SLC13A1: variants seen among roughly 807,000 people sequenced by gnomAD.
SLC13A1 encodes the protein Na(+)/sulfate cotransporter.
In SLC13A1, 65 loss-of-function variants were observed where a neutral mutation model predicts 70.0. The observed-to-expected ratio is 0.93, with a 90% CI of 0.76 to 1.14. SLC13A1 has a LOEUF of 1.14. Among genes scored for constraint, SLC13A1 ranks in the 50% most tolerant of loss-of-function variants. The pLI is 0.00. For synonymous variants in SLC13A1, 275 were observed against 250.5 expected, an observed-to-expected ratio of 1.10 and a Z score of -0.92; for missense variants, 726 against 717.8, an observed-to-expected ratio of 1.01 and a Z score of -0.13.
At chr7:123,155,052 T>C (rs1352292242) in intron 6 of SLC13A1, among the ~76,000 whole-genome samples, 1 of 152,082 alleles carries the variant, frequency 6.6e-6, no homozygotes. Flanking sequence ...TGTTTCTTCC[T>C]TTTTGAGAGC....
intron 7 of SLC13A1, among the ~76,000 whole-genome samples, chr7:123,142,329 T>G (rs1379339137): frequency 6.6e-6 from 1 of 152,082 alleles, no homozygotes; most frequent in African/African-American, 2.4e-5. Context: ...GACTCACCTT[T>G]CAGGGCAGAG....
Position 123,169,291 on chromosome 7 carries a change from C to A in SLC13A1, c.410G>T (p.Trp137Leu). The A allele has an allele frequency of 6.2e-7, 1 of 1,613,712 alleles. No homozygotes were observed. The highest frequency in any genetic ancestry group is 1.1e-5 in the South Asian group (1 of 91,074). Residue 137 changes from tryptophan (W) to leucine (L), a missense_variant, in exon 4 of 15, where the codon TGG becomes TTG. By Grantham distance (61) the Trp-to-Leu change is moderately conservative. Transcript: ENST00000194130. ...GGCAGCCGTCGAGGTGTTGCTGAGC[C>A]ACATAGACAAAAAGGCAGTGCTGCT... ...FMSSTAFLSMWLSNTSTAAMV... is the reference protein window; with the variant it reads ...FMSSTAFLSMLLSNTSTAAMV...
intron 6 of SLC13A1, chr7:123,148,329 T>C (rs970287915): frequency 1.2e-5 from 4 of 335,862 alleles, no homozygotes; most frequent in Middle Eastern, 3.9e-4. Flanking sequence ...TCAAATATCC[T>C]GGCCTCACAG....
chr7:123,192,897 A>G (rs1287159818), intron 1 of SLC13A1, among the ~76,000 whole-genome samples: 1 of 152,154 alleles, frequency 6.6e-6, no homozygotes, highest in African/African-American at 2.4e-5. Context: ...AGAAATAACT[A>G]GATGTTTTTT....
intron 6 of SLC13A1, among the ~76,000 whole-genome samples, chr7:123,156,238 A>G (rs927570466): frequency 3.9e-5 from 6 of 152,040 alleles, no homozygotes; most frequent in Non-Finnish European, 7.4e-5. Context: ...TTTTGCTGTC[A>G]TGTCTTCTCT....
intron 8 of SLC13A1, among the ~76,000 whole-genome samples, chr7:123,132,414 C>G (rs988688359): frequency 2.0e-4 from 31 of 152,158 alleles, no homozygotes; most frequent in African/African-American, 6.5e-4. Context: ...TCTTGTCACA[C>G]AGGTTGGAGT....
At chr7:123,143,836 A>G (rs1328744035) in intron 7 of SLC13A1, among the ~76,000 whole-genome samples, 1 of 152,108 alleles carries the variant, frequency 6.6e-6, no homozygotes, top group Non-Finnish European at 1.5e-5. Context: ...CTGTTGACCC[A>G]CAAAAATAAT....
At position 123,180,970 on chromosome 7, in the gene SLC13A1, T is replaced by TA; in HGVS notation, c.228+2dup. 1 of 1,608,828 alleles carries TA rather than the reference T, an allele frequency of 6.2e-7. No individual in the cohort carries two copies. Among genetic ancestry groups the TA allele is most frequent in the Middle Eastern group, 1.7e-4 (1 of 6,028 alleles). ...AACTTATGACATTGGCAAGAGGACT[T>TA]ACCTTCTTAGAAGGCATGATCCCAA... is the stretch of plus-strand genomic sequence containing the variant. On this transcript the variant is annotated splice_region_variant and intron_variant, in intron 2 of 14. Transcript: ENST00000194130.
In SLC13A1 at chr7:123,119,735, C is replaced by T. The variant is rs1379992097; in HGVS notation, c.1351-493G>A. 2.0e-5 allele frequency among the ~76,000 whole-genome samples: 3 copies of T among 151,988 alleles called. No homozygotes were observed. In the East Asian group the frequency reaches 5.8e-4, roughly 29 times the overall value. On this transcript the variant is annotated intron_variant, in intron 12 of 14. Coordinates refer to ENST00000194130, the MANE Select transcript of SLC13A1 (RefSeq NM_022444.4). ...TTAAAATTTAGACATTATTTACTGA[C>T]TTTCTAATATGTTACATGATAATTC...
chr7:123,124,963 A>G (rs1485024264), intron 11 of SLC13A1, among the ~76,000 whole-genome samples: 3 of 151,514 alleles, frequency 2.0e-5, no homozygotes, highest in East Asian at 3.9e-4. Flanking sequence ...TAATTTTTTG[A>G]TAGAGCTGGG....
At chr7:123,133,419 T>G (rs1026866077) in intron 8 of SLC13A1, among the ~76,000 whole-genome samples, 3 of 149,434 alleles carry the variant, frequency 2.0e-5, no homozygotes, top group African/African-American at 7.7e-5. Flanking sequence ...GGGGCAAACC[T>G]TAAAATTCCC....
At chr7:123,162,948 C>A (rs940770548) in intron 6 of SLC13A1, among the ~76,000 whole-genome samples, 5 of 152,072 alleles carry the variant, frequency 3.3e-5, no homozygotes, top group Admixed American at 6.6e-5. Context: ...AAACAATTAT[C>A]TCAGATTTTT....
intron 1 of SLC13A1, among the ~76,000 whole-genome samples, chr7:123,182,272 G>T (rs1323449963): frequency 1.3e-5 from 2 of 152,108 alleles, no homozygotes; most frequent in Admixed American, 6.6e-5. Context: ...ATGGAAGAAA[G>T]GTTGTGCATT....
intron 6 of SLC13A1, among the ~76,000 whole-genome samples, chr7:123,158,172 A>C (rs1333120627): frequency 1.3e-5 from 2 of 152,068 alleles, no homozygotes; most frequent in Non-Finnish European, 2.9e-5. Flanking sequence ...AATAAAAACT[A>C]AATCAAAGAA....
chr7:123,166,948 C>G (rs943546429), intron 6 of SLC13A1, among the ~76,000 whole-genome samples: 5 of 152,302 alleles, frequency 3.3e-5, no homozygotes, highest in African/African-American at 4.8e-5. Context: ...AAAAAATGCT[C>G]ATCATCACTG....
rs775185241 is a variant in SLC13A1 at position 123,199,916 on chromosome 7, G to A, written c.31C>T (p.Arg11Cys). 78 of 1,612,868 alleles carry A rather than the reference G, an allele frequency of 4.8e-5. No individual in the cohort carries two copies. Among genetic ancestry groups the A allele is most frequent in the South Asian group, 1.6e-4 (15 of 91,062 alleles). Residue 11 changes from arginine to cysteine, a missense_variant, in exon 1 of 15, where the codon CGC becomes TGC. Coordinates refer to ENST00000194130, the MANE Select transcript of SLC13A1 (RefSeq NM_022444.4). Reference sequence around the variant, plus strand: ...GTGAAAACCACGAAGAGAAATCGGCGATAAACCAGAATGTAACTGAAGAAT... The same window carrying A: ...GTGAAAACCACGAAGAGAAATCGGCAATAAACCAGAATGTAACTGAAGAAT... Reference protein sequence around the residue: MKFFSYILVYRRFLFVVFTVL... With the variant: MKFFSYILVYCRFLFVVFTVL...
At chr7:123,187,242 A>C (rs1361981613) in intron 1 of SLC13A1, among the ~76,000 whole-genome samples, 2 of 152,134 alleles carry the variant, frequency 1.3e-5, no homozygotes, top group Non-Finnish European at 2.9e-5. Context: ...TCCTATTATA[A>C]GATTTCCTCA....
In SLC13A1 at chr7:123,181,073, A is replaced by G; in HGVS notation, c.128T>C (p.Val43Ala). ...TTCTGTGAGCCAAAATGTGGCGACC[A>G]CAAAGAGTGTGTAGGCACATTCTGC... is the stretch of plus-strand genomic sequence containing the variant. ...KEAECAYTLF[V>A]VATFWLTEAL... Residue 43 changes from valine (V) to alanine (A), a missense_variant, in exon 2 of 15, where the codon GTG (valine) becomes GCG (alanine). By Grantham distance (64) the Val-to-Ala change is moderately conservative. Coordinates refer to ENST00000194130, the MANE Select transcript of SLC13A1 (RefSeq NM_022444.4). 4.3e-6 allele frequency: 7 copies of G among 1,612,748 alleles called. No individual in the cohort carries two copies. The highest frequency in any genetic ancestry group is 5.9e-6 in the Non-Finnish European group (7 of 1,179,074).
intron 1 of SLC13A1, 151 bp downstream of exon 1, chr7:123,199,697 C>T: frequency 1.7e-6 from 1 of 587,054 alleles, no homozygotes. Flanking sequence ...GAGAAAATGG[C>T]CAAAACATCA....
Sources: gnomAD v4.1 joint callset for allele counts (sites outside exome capture counted in the v4.1 genomes callset) on GRCh38, gnomAD v4.1.1 for gene constraint, MANE v1.5 for transcripts, NCBI Gene and HGNC (gene_info 2026-07-23, HGNC 2026-07-21) for gene names.